Variants in HIBCH observed in about 807,000 individuals in gnomAD.
HIBCH encodes the protein 3-hydroxyisobutyryl-CoA hydrolase, also known as 3-hydroxyisobutyryl-CoA hydrolase, mitochondrial.
HIBCH carries 50 observed loss-of-function variants against 58.2 expected under a neutral mutation model. That is an observed-to-expected ratio of 0.86 (90% CI 0.68 to 1.09). The LOEUF is 1.09. Among genes scored for constraint, HIBCH ranks in the 50% least tolerant of loss-of-function variants. HIBCH has a pLI of 0.00. For missense variants in HIBCH, 450 were observed against 449.7 expected (o/e 1.00, Z -0.01); for synonymous variants, 151 against 146.9 (o/e 1.03, Z -0.20).
At position 190,261,219 on chromosome 2, in the gene HIBCH, CT is replaced by C. The variant is rs1467265454; in HGVS notation, c.453del (p.Val152SerfsTer21). 6.2e-7 allele frequency: 1 copy of C among 1,613,298 alleles called. No individual in the cohort carries two copies. Among genetic ancestry groups the C allele is most frequent in the South Asian group, 1.1e-5 (1 of 91,052 alleles). On this transcript the variant is annotated frameshift_variant, in exon 7 of 14. Coordinates refer to ENST00000359678, the MANE Select transcript of HIBCH (RefSeq NM_014362.4). LOFTEE classifies it high-confidence loss of function. The stretch of plus-strand genomic sequence containing the variant: ...GTAGCCACTCGAAATTGCCCATGGA[CT>C]GAGAGACCAACTCCCTAGAGAAAAA... ...GITMGGGVGL[S>X]VHGQFRVATE...
chr2:190,285,969 G>C (rs1427307335), intron 6 of HIBCH, among the ~76,000 whole-genome samples: 1 of 152,064 alleles, frequency 6.6e-6, no homozygotes, highest in Non-Finnish European at 1.5e-5. Flanking sequence ...AGCCTCCCCA[G>C]TCACTGAGAT....
intron 11 of HIBCH, 100 bp from the exon 12 acceptor site, chr2:190,213,175 A>T: frequency 9.9e-7 from 1 of 1,006,374 alleles, no homozygotes; most frequent in Non-Finnish European, 1.5e-6. Flanking sequence ...AAATATGCCA[A>T]AATCTCATAA....
chr2:190,195,995 G>A lies in HIBCH; in HGVS notation c.*18-5998C>T, dbSNP rs191723078. Among the ~76,000 whole-genome samples, 273 of 126,652 alleles carry A rather than the reference G, an allele frequency of 2.2e-3. 1 individual carries two copies. Among genetic ancestry groups the A allele is most frequent in the African/African-American group, 7.9e-3 (259 of 32,796 alleles). 83.1% of individuals were successfully genotyped at this position (126,652 alleles called of 152,430 possible). A position where few individuals can be genotyped will look rare whatever the true frequency, so the allele number is the denominator to read the frequency against. ...GGATGATTTGTTTGTTCCAGCACTC[G>A]TTGAAAAGACTATGTATGTGTGGTT... On this transcript the variant is annotated intron_variant, in intron 1 of 1. Coordinates refer to the HIBCH transcript ENST00000399855.
In HIBCH at chr2:190,306,743, C is replaced by A. The variant is rs1688418667; in HGVS notation, c.78+4011G>T. On this transcript the variant is annotated intron_variant, in intron 2 of 13. Coordinates refer to ENST00000359678, the MANE Select transcript of HIBCH (RefSeq NM_014362.4). The surrounding 1 kb of genome is among the most constrained non-coding windows in gnomAD (Gnocchi z 4.6). ...CTACAGACTGAATGCTTGCATCCTT[C>A]CAAAATTTGTATGTTGAAATCCTAA... Among the ~76,000 whole-genome samples, 1 of 152,166 alleles carries A rather than the reference C, an allele frequency of 6.6e-6. No individual in the cohort carries two copies. The highest frequency in any genetic ancestry group is 2.4e-5 in the African/African-American group (1 of 41,434).
At chr2:190,190,168 TAAGATA>T (rs1441709070) in intron 1 of HIBCH, among the ~76,000 whole-genome samples, 2 of 152,162 alleles carry the variant, frequency 1.3e-5, no homozygotes, top group East Asian at 3.8e-4. Context: ...ACATACCAAT[TAAGATA>T]TAGAATTTTT....
intron 6 of HIBCH, among the ~76,000 whole-genome samples, chr2:190,276,473 C>A (rs1186511711): frequency 6.6e-6 from 1 of 152,118 alleles, no homozygotes; most frequent in African/African-American, 2.4e-5. Flanking sequence ...GAGTTGGGGC[C>A]AAATGGAAGG....
rs1277639629 is a variant in HIBCH at position 190,211,741 on chromosome 2, T to A, written c.1011+1215A>T. On this transcript the variant is annotated intron_variant, in intron 12 of 13. Transcript: ENST00000359678. The surrounding 1 kb of genome is among the most constrained non-coding windows in gnomAD (Gnocchi z 5.0). ...TCACAATTTATAATTATTTTACTTA[T>A]TTTGTTTACTTGTTCTTTGTAGTCT... is the stretch of plus-strand genomic sequence containing the variant. Among the ~76,000 whole-genome samples, 2 of 152,218 alleles carry A rather than the reference T, an allele frequency of 1.3e-5. No individual in the cohort carries two copies. Among genetic ancestry groups the A allele is most frequent in the Non-Finnish European group, 2.9e-5 (2 of 68,036 alleles).
Position 190,209,039 on chromosome 2 carries a change from G to T in HIBCH, c.1012-126C>A. On this transcript the variant is annotated intron_variant, in intron 12 of 13. Transcript: ENST00000359678. The surrounding 1 kb of genome is among the most constrained non-coding windows in gnomAD (Gnocchi z 5.6). The stretch of plus-strand genomic sequence containing the variant: ...CACAACCTGAACCATGACATTCAGA[G>T]ACTGAACCACCTCTGATAGCCCACT... The T allele has an allele frequency of 2.5e-6, 2 of 799,554 alleles. No individual in the cohort carries two copies. Among genetic ancestry groups the T allele is most frequent in the Non-Finnish European group, 4.2e-6 (2 of 470,674 alleles). 49.5% of individuals were successfully genotyped at this position (799,554 alleles called of 1,614,324 possible).
intron 2 of HIBCH, among the ~76,000 whole-genome samples, chr2:190,301,697 T>G (rs1409332987): frequency 6.6e-6 from 1 of 152,194 alleles, no homozygotes; most frequent in African/African-American, 2.4e-5. Context: ...GAACAGAAAT[T>G]TATTTCTAAC....
chr2:190,312,437 G>A (rs748272773), intron 1 of HIBCH, among the ~76,000 whole-genome samples: 8 of 152,214 alleles, frequency 5.3e-5, no homozygotes, highest in Non-Finnish European at 8.8e-5. Flanking sequence ...TAAGGGCTGT[G>A]CACATGTGCA....
intron 6 of HIBCH, among the ~76,000 whole-genome samples, chr2:190,271,229 C>T (rs1341993217): frequency 6.6e-6 from 1 of 151,344 alleles, no homozygotes; most frequent in Admixed American, 6.6e-5. Context: ...CAAGTCTTCT[C>T]CAAAATCTCC....
At chr2:190,234,689 A>G (rs1439117208) in intron 11 of HIBCH, among the ~76,000 whole-genome samples, 1 of 152,082 alleles carries the variant, frequency 6.6e-6, no homozygotes. Context: ...ATCTCTACTA[A>G]AAAATATAAA....
intron 11 of HIBCH, among the ~76,000 whole-genome samples, chr2:190,240,124 A>C (rs1241308966): frequency 6.6e-6 from 1 of 152,114 alleles, no homozygotes; most frequent in Non-Finnish European, 1.5e-5. Context: ...GAATCCATCT[A>C]GTCCTGGGCT....
chr2:190,291,840 CCTTT>C (rs1559055904), intron 4 of HIBCH, among the ~76,000 whole-genome samples: 1 of 152,178 alleles, frequency 6.6e-6, no homozygotes, highest in East Asian at 1.9e-4. Flanking sequence ...AACTCATATG[CCTTT>C]CTTGTCTTTA....
chr2:190,263,891 A>G (rs1687160645), intron 6 of HIBCH, among the ~76,000 whole-genome samples: 1 of 151,680 alleles, frequency 6.6e-6, no homozygotes, highest in African/African-American at 2.4e-5. Context: ...CTACACTATT[A>G]CGACCCCACA....
At chr2:190,294,893 T>C (rs1039972590) in intron 3 of HIBCH, among the ~76,000 whole-genome samples, 1 of 152,166 alleles carries the variant, frequency 6.6e-6, no homozygotes, top group Non-Finnish European at 1.5e-5. Context: ...AATTTCAAGA[T>C]GGCACCTGAA....
chr2:190,268,728 CTAGACAAAAAGCAATTTTTTT>C (rs915311844), intron 6 of HIBCH, among the ~76,000 whole-genome samples: 3 of 152,196 alleles, frequency 2.0e-5, no homozygotes, highest in Admixed American at 2.0e-4. Context: ...TATTACTATT[CTAGACAAAAAGCAATTTTTTT>C]TAACTGCTCC....
rs1575751129 is a variant in HIBCH at position 190,288,631 on chromosome 2, TGGAATGGTTAC to T, written c.386-1004_386-994del. Among the ~76,000 whole-genome samples the T allele has an allele frequency of 3.3e-5, 5 of 152,076 alleles. No homozygotes were observed. The East Asian group carries it at 9.6e-4, about 29-fold the overall frequency. ...ATTCCATGTTGTTAAAAACAATTTA[TGGAATGGTTAC>T]ACAGTAAGATAGTATTTATGTAAAT... On this transcript the variant is annotated intron_variant, in intron 5 of 13. Coordinates refer to ENST00000359678, the MANE Select transcript of HIBCH (RefSeq NM_014362.4).
At chr2:190,270,862 T>C (rs1490200227) in intron 6 of HIBCH, among the ~76,000 whole-genome samples, 1 of 152,128 alleles carries the variant, frequency 6.6e-6, no homozygotes, top group Non-Finnish European at 1.5e-5. Flanking sequence ...ATATTGATTA[T>C]ATAATAATGT....
Sources: gnomAD v4.1 joint callset for allele counts (sites outside exome capture counted in the v4.1 genomes callset) on GRCh38, gnomAD v4.1.1 for gene constraint, Gnocchi (gnomAD v3.1) non-coding constraint, MANE v1.5 for transcripts, NCBI Gene and HGNC (gene_info 2026-07-23, HGNC 2026-07-21) for gene names.